The following DYSF variants were observed in gnomAD, a reference collection of about 807,000 sequenced individuals.
DYSF encodes dystrophy-associated fer-1-like 1.
DYSF carries 212 observed loss-of-function variants against 274.9 expected under a neutral mutation model. The ratio of observed to expected loss-of-function variants is 0.77; its 90% CI spans 0.69 to 0.86. DYSF has a LOEUF of 0.86. Ranked by LOEUF, DYSF falls within the 40% of genes least tolerant of loss-of-function variation. The pLI is 0.00. For synonymous variants in DYSF, 1,091 were observed against 1,078.7 expected (o/e 1.01, Z -0.22); for missense variants, 2,666 against 2,783.2 (o/e 0.96, Z 0.95).
At chr2:71,536,152 A>G (rs902571527) in intron 16 of DYSF, among the ~76,000 whole-genome samples, 1 of 152,222 alleles carries the variant, frequency 6.6e-6, no homozygotes, top group Non-Finnish European at 1.5e-5. Context: ...GTGTGATCTC[A>G]GGGCATTGGG....
intron 17 of DYSF, among the ~76,000 whole-genome samples, chr2:71,546,559 A>G (rs1024485347): frequency 3.9e-5 from 6 of 152,204 alleles, no homozygotes; most frequent in Non-Finnish European, 7.3e-5. Context: ...TTGTTTTTTA[A>G]AAAAGAGTGC....
chr2:71,473,067 G>A (rs2082151597), intron 1 of DYSF, among the ~76,000 whole-genome samples: 1 of 152,172 alleles, frequency 6.6e-6, no homozygotes, highest in African/African-American at 2.4e-5. Flanking sequence ...TTCCAGCTAG[G>A]ATTTAGGAAG....
intron 1 of DYSF, among the ~76,000 whole-genome samples, chr2:71,461,223 C>T (rs1414170487): frequency 1.3e-5 from 2 of 152,186 alleles, no homozygotes; most frequent in Non-Finnish European, 2.9e-5. Flanking sequence ...AATAGTTATT[C>T]CTGACCATTG....
At position 71,551,726 on chromosome 2, in the gene DYSF, G is replaced by C; in HGVS notation, c.1806+6G>C. 2 of 1,599,232 alleles carry C rather than the reference G, an allele frequency of 1.3e-6. No individual in the cohort carries two copies. The highest frequency in any genetic ancestry group is 1.7e-6 in the Non-Finnish European group (2 of 1,174,746). Reference sequence around the variant, plus strand: ...ATGACATCCTCCGGGTGGAGGTGAGGGGTGTGGCTCTGGGTGGGAGCTGGG... The same window carrying C: ...ATGACATCCTCCGGGTGGAGGTGAGCGGTGTGGCTCTGGGTGGGAGCTGGG... On this transcript the variant is annotated splice_donor_region_variant and intron_variant, in intron 19 of 55. Coordinates refer to ENST00000410020, the MANE Select transcript of DYSF (RefSeq NM_001130987.2).
At chr2:71,602,904 C>A in intron 36 of DYSF, 99 bp downstream of exon 36, 2 of 1,424,688 alleles carry the variant, frequency 1.4e-6, no homozygotes, top group Middle Eastern at 3.8e-4. Flanking sequence ...TTCCTGGTGC[C>A]CAGCAGGCAT....
In DYSF at chr2:71,520,802, C is replaced by T; in HGVS notation, c.1047C>T (p.Leu349=). ...TIYREPRHAY[L]RKWLLLSDPD... Reference sequence around the variant, plus strand: ...TGTCTCTCTTAGGGCACGCCTATCTCAGGAAGTGGCTGCTGCTCTCAGACC... The same window carrying T: ...TGTCTCTCTTAGGGCACGCCTATCTTAGGAAGTGGCTGCTGCTCTCAGACC... The change falls in exon 12 of 56, where the codon CTC becomes CTT. Residue 349 remains leucine, a synonymous_variant. Transcript: ENST00000410020. 1 of 1,613,994 alleles carries T rather than the reference C, an allele frequency of 6.2e-7. No individual in the cohort carries two copies. Among genetic ancestry groups the T allele is most frequent in the Non-Finnish European group, 8.5e-7 (1 of 1,179,972 alleles).
chr2:71,487,438 C>T (rs949761062), intron 3 of DYSF, among the ~76,000 whole-genome samples: 1 of 152,162 alleles, frequency 6.6e-6, no homozygotes, highest in Admixed American at 6.5e-5. Flanking sequence ...CTTTTGGAAA[C>T]CACCCAGGAT....
At chr2:71,570,120 T>C in intron 27 of DYSF, 109 bp from the exon 28 acceptor site, 1 of 1,158,874 alleles carries the variant, frequency 8.6e-7, no homozygotes, top group Non-Finnish European at 1.3e-6. Context: ...GGCTCTGCCC[T>C]TCTGTCTGGG....
rs141264366 is a variant in DYSF at position 71,568,196 on chromosome 2, C to T, written c.2722C>T (p.Leu908Phe). ...ETYENETKLA[L>F]VGNWGTTGLT... is the part of the protein sequence containing the mutation. Reference sequence around the variant, plus strand: ...GTATGAGAACGAGACTAAGTTGGCCCTTGTTGGGAACTGGGGCACAACGGG... The same window carrying T: ...GTATGAGAACGAGACTAAGTTGGCCTTTGTTGGGAACTGGGGCACAACGGG... Residue 908 changes from leucine (L) to phenylalanine (F), a missense_variant, in exon 26 of 56, where the codon CTT becomes TTT. Physicochemically the swap from Leu to Phe is conservative, Grantham distance 22. This residue lies in a region of DYSF where 412 missense variants were observed against 504.0 expected (regional missense o/e 0.82). Transcript: ENST00000410020. The T allele has an allele frequency of 6.2e-6, 10 of 1,614,246 alleles. No homozygotes were observed. The highest frequency in any genetic ancestry group is 5.3e-5 in the African/African-American group (4 of 75,062).
At chr2:71,575,283 G>C (rs574281062) in intron 30 of DYSF, among the ~76,000 whole-genome samples, 2 of 152,270 alleles carry the variant, frequency 1.3e-5, no homozygotes, top group East Asian at 3.9e-4. Flanking sequence ...GGCTGGGGAG[G>C]CTCTGTCAGT....
intron 29 of DYSF, among the ~76,000 whole-genome samples, chr2:71,571,659 C>T (rs1352040874): frequency 1.4e-4 from 19 of 139,834 alleles, no homozygotes; most frequent in Admixed American, 3.6e-4. Flanking sequence ...ACACACAGAT[C>T]ACACCCAGCA....
chr2:71,560,616 A>G (rs2152802300), intron 22 of DYSF, among the ~76,000 whole-genome samples: 1 of 152,340 alleles, frequency 6.6e-6, no homozygotes, highest in South Asian at 2.1e-4. Flanking sequence ...ATTCAATTAA[A>G]AAAAATAACA....
rs772687190 is a variant in DYSF at position 71,589,698 on chromosome 2, T to C, written c.3496+12T>C. The C allele has an allele frequency of 9.3e-6, 15 of 1,610,100 alleles. No homozygotes were observed. The East Asian group carries it at 1.3e-4, about 14-fold the overall frequency. On this transcript the variant is annotated intron_variant, in intron 31 of 55. Coordinates refer to ENST00000410020, the MANE Select transcript of DYSF (RefSeq NM_001130987.2). ...CTGCATATTCGACTGTAAGTGAGGCTTCGAGGCCTCTATGGGGTGATAAGG... is the reference window on the plus strand; with the variant it reads ...CTGCATATTCGACTGTAAGTGAGGCCTCGAGGCCTCTATGGGGTGATAAGG...
intron 44 of DYSF, 142 bp from the exon 45 acceptor site, chr2:71,660,418 G>T (rs902562133): frequency 6.9e-6 from 5 of 725,670 alleles, no homozygotes; most frequent in Non-Finnish European, 1.2e-5. Context: ...TGTGGGAGGG[G>T]GCCCTGTCTT....
chr2:71,520,299 G>C, intron 11 of DYSF, 91 bp downstream of exon 11: 1 of 1,415,914 alleles, frequency 7.1e-7, no homozygotes, highest in Non-Finnish European at 1.0e-6. Context: ...GTCCCTCCTG[G>C]GGGTTTTAGA....
At chr2:71,603,642 G>A (rs541203178) in intron 36 of DYSF, among the ~76,000 whole-genome samples, 7 of 152,308 alleles carry the variant, frequency 4.6e-5, no homozygotes, top group African/African-American at 1.7e-4. Context: ...CTCCCAGACC[G>A]AGGTGGGGTC....
At chr2:71,645,066 C>CT (rs2094546400) in intron 42 of DYSF, among the ~76,000 whole-genome samples, 1 of 152,132 alleles carries the variant, frequency 6.6e-6, no homozygotes, top group Non-Finnish European at 1.5e-5. Context: ...TGAATGTTTA[C>CT]AGCTGAAGCC....
Position 71,541,687 on chromosome 2 carries a change from C to A in DYSF, c.1576+2448C>A, listed in dbSNP as rs138132459. Among the ~76,000 whole-genome samples the A allele has an allele frequency of 9.7e-3, 1,478 of 152,028 alleles. 23 individuals are homozygous for A. The highest frequency in any genetic ancestry group is 0.034 in the African/African-American group (1,418 of 41,488). ...ATAATGAAAGTATGGTTTCTGCCTTCTGTGTCATGCTCAAACCCTAAGGTT... is the reference window on the plus strand; with the variant it reads ...ATAATGAAAGTATGGTTTCTGCCTTATGTGTCATGCTCAAACCCTAAGGTT... On this transcript the variant is annotated intron_variant, in intron 17 of 55. Transcript: ENST00000410020.
chr2:71,666,693 C>A (rs1573072871), intron 47 of DYSF, among the ~76,000 whole-genome samples: 1 of 152,336 alleles, frequency 6.6e-6, no homozygotes, highest in Non-Finnish European at 1.5e-5. Context: ...TGGGACGCAC[C>A]TGGGGACAGG....
Sources: allele counts gnomAD v4.1 joint callset (sites outside exome capture counted in the v4.1 genomes callset), GRCh38; gene constraint gnomAD v4.1.1; regional missense constraint gnomAD v4.1.1; transcripts MANE v1.5; gene names NCBI Gene and HGNC (gene_info 2026-07-23, HGNC 2026-07-21).